The following MAPK8 variants were observed in gnomAD, a reference collection of about 807,000 sequenced individuals.
MAPK8 encodes the protein mitogen-activated protein kinase 8.
Under a neutral mutation model 52.9 loss-of-function variants are expected in MAPK8, and 13 were observed. The observed-to-expected ratio is 0.25, with a 90% CI of 0.16 to 0.39. MAPK8 has a LOEUF of 0.39. MAPK8 is among the 10% of genes least tolerant of loss of function. The pLI, the probability that MAPK8 is intolerant of heterozygous loss-of-function variation, is 1.00. For synonymous variants in MAPK8, 191 were observed against 169.8 expected (o/e 1.12, Z -0.97); for missense variants, 300 against 519.2 (o/e 0.58, Z 4.10).
chr10:48,375,986 C>CTA (rs1314783992), intron 1 of MAPK8, among the ~76,000 whole-genome samples: 3 of 152,110 alleles, frequency 2.0e-5, no homozygotes, highest in Non-Finnish European at 4.4e-5. Context: ...TGACTTCAAA[C>CTA]TATACTACAA....
rs139353967 is a variant in MAPK8 at position 48,433,807 on chromosome 10, G to A, written c.1139-1077G>A. 1.9e-3 allele frequency among the ~76,000 whole-genome samples: 292 copies of A among 152,352 alleles called. 1 individual carries two copies. The highest frequency in any genetic ancestry group is 6.6e-3 in the African/African-American group (273 of 41,580). On this transcript the variant is annotated intron_variant, in intron 11 of 11. Transcript: ENST00000374189. ...AATACAGATGCTGGGTTCAGGAGCAGTGGTTTTCAGCCCATTTGGTTTCAG... is the reference window on the plus strand; with the variant it reads ...AATACAGATGCTGGGTTCAGGAGCAATGGTTTTCAGCCCATTTGGTTTCAG...
chr10:48,402,991 T>C (rs1027330076), intron 2 of MAPK8, among the ~76,000 whole-genome samples: 1 of 152,154 alleles, frequency 6.6e-6, no homozygotes, highest in Non-Finnish European at 1.5e-5. Flanking sequence ...ATATACATCA[T>C]TATACCATTT....
chr10:48,354,709 G>C (rs1219466213), intron 1 of MAPK8, among the ~76,000 whole-genome samples: 1 of 151,398 alleles, frequency 6.6e-6, no homozygotes. Flanking sequence ...GTGAATATGG[G>C]GGCAAGATCA....
chr10:48,364,429 G>GA lies in MAPK8; in HGVS notation c.-49-37177dup, dbSNP rs1390330825. Reference sequence around the variant, plus strand: ...GACATTGACCCTGTTGATATTGCCTGAAAAAATTTAAAAAAAAAAACTGAA... The same window carrying GA: ...GACATTGACCCTGTTGATATTGCCTGAAAAAAATTTAAAAAAAAAAACTGAA... On this transcript the variant is annotated intron_variant, in intron 1 of 11. Coordinates refer to ENST00000374189, the MANE Select transcript of MAPK8 (RefSeq NM_001323329.2). Among the ~76,000 whole-genome samples the GA allele has an allele frequency of 2.7e-5, 4 of 150,904 alleles. No homozygotes were observed. In the East Asian group the frequency reaches 7.7e-4, roughly 29 times the overall value.
intron 2 of MAPK8, 71 bp from the exon 3 acceptor site, chr10:48,404,781 C>A: frequency 8.2e-7 from 1 of 1,216,646 alleles, no homozygotes. Flanking sequence ...ATGTATATGA[C>A]TGTTTCATGA....
chr10:48,391,496 G>T (rs1424926218), intron 1 of MAPK8, among the ~76,000 whole-genome samples: 1 of 152,126 alleles, frequency 6.6e-6, no homozygotes, highest in African/African-American at 2.4e-5. Flanking sequence ...AATCTCACCA[G>T]TATCCTTAAT....
At chr10:48,433,132 T>C (rs1250778681) in intron 11 of MAPK8, among the ~76,000 whole-genome samples, 1 of 152,236 alleles carries the variant, frequency 6.6e-6, no homozygotes, top group Non-Finnish European at 1.5e-5. Context: ...ACTAAAGATT[T>C]TCCATATTAT....
intron 1 of MAPK8, among the ~76,000 whole-genome samples, chr10:48,354,975 A>G (rs1316351941): frequency 6.6e-6 from 1 of 152,176 alleles, no homozygotes; most frequent in Non-Finnish European, 1.5e-5. Flanking sequence ...AAGTAGAACA[A>G]CTGTGATAGT....
At chr10:48,363,750 C>A (rs1040634915) in intron 1 of MAPK8, among the ~76,000 whole-genome samples, 8 of 152,164 alleles carry the variant, frequency 5.3e-5, no homozygotes, top group African/African-American at 1.9e-4. Context: ...TTGATCCTTG[C>A]TTGCTTTGCT....
chr10:48,308,901 C>G (rs1841668725), intron 1 of MAPK8, among the ~76,000 whole-genome samples: 1 of 152,092 alleles, frequency 6.6e-6, no homozygotes, highest in South Asian at 2.1e-4. Context: ...TTACTAAATA[C>G]AGTTTAGCGT....
intron 1 of MAPK8, among the ~76,000 whole-genome samples, chr10:48,361,199 G>C (rs981679743): frequency 1.3e-5 from 2 of 152,040 alleles, no homozygotes; most frequent in African/African-American, 4.8e-5. Flanking sequence ...TTGTATTTCC[G>C]TACGTCTGTT....
chr10:48,418,871 G>A (rs2043201431), intron 5 of MAPK8, among the ~76,000 whole-genome samples: 2 of 152,132 alleles, frequency 1.3e-5, no homozygotes, highest in Middle Eastern at 6.8e-3. Flanking sequence ...GCTTGAAATT[G>A]GAATGTTATT....
At chr10:48,366,827 G>A (rs2132585464) in intron 1 of MAPK8, among the ~76,000 whole-genome samples, 1 of 151,932 alleles carries the variant, frequency 6.6e-6, no homozygotes, top group African/African-American at 2.4e-5. Flanking sequence ...CTAGTCTGAA[G>A]GAGCTCAAAT....
intron 1 of MAPK8, among the ~76,000 whole-genome samples, chr10:48,397,350 C>G (rs1338943729): frequency 6.6e-6 from 1 of 151,344 alleles, no homozygotes; most frequent in Non-Finnish European, 1.5e-5. Flanking sequence ...GAGATGGGGT[C>G]TCTCTATGTT....
At chr10:48,358,736 A>G (rs1847227693) in intron 1 of MAPK8, among the ~76,000 whole-genome samples, 1 of 152,122 alleles carries the variant, frequency 6.6e-6, no homozygotes, top group Admixed American at 6.5e-5. Context: ...TAAGTGTTTT[A>G]TAGTTTTAGT....
At chr10:48,365,844 G>T (rs1362361445) in intron 1 of MAPK8, among the ~76,000 whole-genome samples, 2 of 152,074 alleles carry the variant, frequency 1.3e-5, no homozygotes, top group Non-Finnish European at 2.9e-5. Context: ...CATGACAGTT[G>T]GATTACAATT....
chr10:48,314,484 A>G (rs1025724790), intron 1 of MAPK8, among the ~76,000 whole-genome samples: 6 of 152,240 alleles, frequency 3.9e-5, no homozygotes, highest in African/African-American at 1.4e-4. Context: ...GACTTTTGCT[A>G]TCAAAAGCCA....
chr10:48,415,561 A>G (rs2043020378), intron 5 of MAPK8, among the ~76,000 whole-genome samples: 1 of 152,248 alleles, frequency 6.6e-6, no homozygotes, highest in South Asian at 2.1e-4. Context: ...TCCATAACAC[A>G]AACATTCGTA....
At chr10:48,315,968 GA>G (rs1374344009) in intron 1 of MAPK8, among the ~76,000 whole-genome samples, 3 of 152,120 alleles carry the variant, frequency 2.0e-5, no homozygotes, top group Non-Finnish European at 4.4e-5. Context: ...GAATAATAAT[GA>G]AATTAGGGAG....
Sources: gnomAD v4.1 joint callset for allele counts (sites outside exome capture counted in the v4.1 genomes callset) on GRCh38, gnomAD v4.1.1 for gene constraint, MANE v1.5 for transcripts, NCBI Gene and HGNC (gene_info 2026-07-23, HGNC 2026-07-21) for gene names.